Variants in CCDC186 observed in about 807,000 individuals in gnomAD.
CCDC186 encodes coiled-coil domain-containing protein 186.
CCDC186 carries 49 observed loss-of-function variants against 113.7 expected under a neutral mutation model. The observed-to-expected ratio is 0.43, with a 90% CI of 0.34 to 0.55. CCDC186 has a LOEUF of 0.55. Among genes scored for constraint, CCDC186 ranks in the 20% least tolerant of loss-of-function variants. The probability of loss-of-function intolerance (pLI) is 0.02; values close to 1 mark genes in which losing one functional copy is unlikely to be tolerated. For synonymous variants in CCDC186, 355 were observed against 345.8 expected (o/e 1.03, Z -0.30); for missense variants, 890 against 1,011.1 (o/e 0.88, Z 1.62).
intron 2 of CCDC186, chr10:114,162,142 T>C (rs916831382): frequency 6.6e-6 from 1 of 152,606 alleles, no homozygotes; most frequent in Non-Finnish European, 1.5e-5. Context: ...AACGTACACA[T>C]AAAAATGGTT....
chr10:114,168,340 C>T (rs774748158), intron 1 of CCDC186: 1 of 152,196 alleles, frequency 6.6e-6, no homozygotes, highest in African/African-American at 2.4e-5. Flanking sequence ...AAAGAACTCA[C>T]ATTTCTACAA....
At chr10:114,158,494 T>C in intron 2 of CCDC186, among the ~76,000 whole-genome samples, 1 of 152,140 alleles carries the variant, frequency 6.6e-6, no homozygotes, top group East Asian at 1.9e-4. Flanking sequence ...TAAAAAAGTG[T>C]ATTATTTCAT....
chr10:114,149,068 A>G (rs1191641331), intron 4 of CCDC186, among the ~76,000 whole-genome samples: 1 of 152,184 alleles, frequency 6.6e-6, no homozygotes, highest in African/African-American at 2.4e-5. Context: ...AGTTAGGGGG[A>G]AAAAAGGAAT....
At chr10:114,168,744 C>T (rs1190297932) in intron 1 of CCDC186, among the ~76,000 whole-genome samples, 2 of 152,314 alleles carry the variant, frequency 1.3e-5, no homozygotes, top group East Asian at 1.9e-4. Flanking sequence ...GAGTAATTAA[C>T]TTCTTACTAC....
intron 3 of CCDC186, among the ~76,000 whole-genome samples, chr10:114,156,652 A>C (rs2032020010): frequency 6.6e-6 from 1 of 152,176 alleles, no homozygotes; most frequent in South Asian, 2.1e-4. Context: ...ACTTGAACCC[A>C]GGAGGCAAAG....
chr10:114,141,184 C>T (rs1004485872), intron 6 of CCDC186, among the ~76,000 whole-genome samples: 3 of 152,042 alleles, frequency 2.0e-5, no homozygotes, highest in African/African-American at 7.2e-5. Flanking sequence ...TGTGAGACAC[C>T]GTGCCTGGAT....
intron 6 of CCDC186, among the ~76,000 whole-genome samples, chr10:114,137,964 G>A (rs2031322059): frequency 7.3e-6 from 1 of 136,906 alleles, no homozygotes; most frequent in Non-Finnish European, 1.5e-5. Context: ...TTGAACCCAG[G>A]AGGCGGAGGT....
At chr10:114,157,468 A>G in intron 3 of CCDC186, 86 bp downstream of exon 3, 1 of 1,294,930 alleles carries the variant, frequency 7.7e-7, no homozygotes, top group Non-Finnish European at 1.0e-6. Flanking sequence ...CTACGATTAC[A>G]GGCATGAGCT....
At position 114,130,431 on chromosome 10, in the gene CCDC186, A is replaced by G. The variant is rs1434876463; in HGVS notation, c.2102-460T>C. On this transcript the variant is annotated intron_variant, in intron 12 of 15. Coordinates refer to ENST00000369287, the MANE Select transcript of CCDC186 (RefSeq NM_018017.4). ...GCCGTGAGAAATAGTAGAGAATAGG[A>G]GGTTGAAATACGTGTCTTATTTATT... 3.2e-5 allele frequency: 5 copies of G among 154,004 alleles called. No individual in the cohort carries two copies. In the East Asian group the frequency reaches 9.5e-4, roughly 29 times the overall value. The allele number at this position is 154,004 out of a possible 1,614,324, so 9.5% of individuals were successfully genotyped here. A position where few individuals can be genotyped will look rare whatever the true frequency, so the allele number is the denominator to read the frequency against.
chr10:114,157,487 C>A, intron 3 of CCDC186, 67 bp downstream of exon 3: 1 of 1,428,274 alleles, frequency 7.0e-7, no homozygotes, highest in East Asian at 2.5e-5. Flanking sequence ...CTGCCACAAT[C>A]GGCTGCCAGG....
rs1391981618 is a variant in CCDC186, at chr10:114,121,101, A to C, written c.*4042T>G. ...AAAAGAATTCCATTCCAGAAGAAAA[A>C]TACATCTCTAATATACAATTATATT... On this transcript the variant is annotated 3_prime_UTR_variant, in exon 16 of 16. Transcript: ENST00000369287. 1.3e-5 allele frequency: 2 copies of C among 152,160 alleles called. No homozygotes were observed. 9.4% of individuals were successfully genotyped at this position (152,160 alleles called of 1,614,324 possible). A position where few individuals can be genotyped will look rare whatever the true frequency, so the allele number is the denominator to read the frequency against.
At chr10:114,173,246 G>A (rs921440580) in intron 1 of CCDC186, 2 of 454,596 alleles carry the variant, frequency 4.4e-6, no homozygotes, top group African/African-American at 2.0e-5. Flanking sequence ...GTTCTGACTC[G>A]AAATCCAGGA....
At chr10:114,137,100 G>C in intron 7 of CCDC186, 86 bp downstream of exon 7, 2 of 990,742 alleles carry the variant, frequency 2.0e-6, no homozygotes, top group Admixed American at 2.1e-5. Context: ...CCGGGCGACA[G>C]AGCGAGACTC....
Position 114,145,624 on chromosome 10 carries a change from T to A in CCDC186, c.1026A>T (p.Glu342Asp). 1.2e-6 allele frequency: 2 copies of A among 1,613,434 alleles called. No homozygotes were observed. Among genetic ancestry groups the A allele is most frequent in the South Asian group, 1.1e-5 (1 of 90,878 alleles). The stretch of plus-strand genomic sequence containing the variant: ...TAATTTTGTTAGTGTTTTTCTCAAG[T>A]TCCTTATTTGCATCTCTAAGTTTTT... ...LEKKLRDANK[E>D]LEKNTNKIKQ... The change falls in exon 5 of 16, where the codon GAA becomes GAT. Residue 342 changes from glutamate to aspartate, a missense_variant. By Grantham distance (45) the Glu-to-Asp change is conservative. Transcript: ENST00000369287.
At chr10:114,125,823 C>A in intron 15 of CCDC186, 63 bp downstream of exon 15, 1 of 1,391,272 alleles carries the variant, frequency 7.2e-7, no homozygotes, top group South Asian at 1.2e-5. Context: ...CTAGATCAGA[C>A]TGTGAAACAG....
intron 3 of CCDC186, among the ~76,000 whole-genome samples, chr10:114,156,069 G>A (rs1467596644): frequency 6.6e-6 from 1 of 152,172 alleles, no homozygotes; most frequent in Non-Finnish European, 1.5e-5. Context: ...TGGTCATTGA[G>A]TGACCTGACT....
rs34377537 is a variant in CCDC186 at position 114,157,178 on chromosome 10, ATTTTTTT to A, written c.759+369_759+375del. On this transcript the variant is annotated intron_variant, in intron 3 of 15. Transcript: ENST00000369287. ...TCCAACCTACATGCAAGTTTTCAGA[ATTTTTTT>A]TTTTTTTTTTTTTTTTGAGACAAGG... Among the ~76,000 whole-genome samples, 359 of 121,180 alleles carry A rather than the reference ATTTTTTT, an allele frequency of 3.0e-3. 1 individual carries two copies. The highest frequency in any genetic ancestry group is 0.011 in the African/African-American group (342 of 31,786). The allele number at this position is 121,180 out of a possible 152,430, so 79.5% of individuals were successfully genotyped here.
intron 4 of CCDC186, among the ~76,000 whole-genome samples, chr10:114,149,937 T>C (rs1355773609): frequency 6.6e-6 from 1 of 152,158 alleles, no homozygotes; most frequent in Non-Finnish European, 1.5e-5. Context: ...TAAAACCAGT[T>C]ACTTCTTAAG....
chr10:114,140,641 C>T (rs963233368), intron 6 of CCDC186, among the ~76,000 whole-genome samples: 11 of 152,146 alleles, frequency 7.2e-5, no homozygotes, highest in African/African-American at 2.7e-4. Context: ...CTGGGAGTCA[C>T]TAGCATATAG....
Sources: gnomAD v4.1 joint callset for allele counts (sites outside exome capture counted in the v4.1 genomes callset) on GRCh38, gnomAD v4.1.1 for gene constraint, MANE v1.5 for transcripts, NCBI Gene and HGNC (gene_info 2026-07-23, HGNC 2026-07-21) for gene names.